SLC24A4: variants seen among roughly 807,000 people sequenced by gnomAD.
SLC24A4 encodes the protein solute carrier family 24 member 4.
In SLC24A4, 53 loss-of-function variants were observed where a neutral mutation model predicts 79.0. The observed-to-expected ratio is 0.67, with a 90% CI of 0.54 to 0.84. The LOEUF is 0.84. Ranked by LOEUF, SLC24A4 falls within the 40% of genes least tolerant of loss-of-function variation. The pLI is 0.00. For synonymous variants in SLC24A4, 323 were observed against 323.8 expected (o/e 1.00, Z 0.03); for missense variants, 731 against 822.0 (o/e 0.89, Z 1.35).
intron 2 of SLC24A4, among the ~76,000 whole-genome samples, chr14:92,382,540 G>C (rs1259771651): frequency 2.0e-5 from 3 of 152,186 alleles, no homozygotes; most frequent in Non-Finnish European, 4.4e-5. Flanking sequence ...ACCAGGTTAG[G>C]CTCTTTTGGT....
chr14:92,323,107 G>C (rs920505550), upstream of SLC24A4: 11 of 152,394 alleles, frequency 7.2e-5, no homozygotes, highest in African/African-American at 2.4e-4. This position sits in a 1 kb window ranked among gnomAD's most constrained non-coding sequence, Gnocchi z 4.9. Flanking sequence ...GTGAGAGGCG[G>C]GCAGGAGGGG....
At chr14:92,484,870 G>A in intron 13 of SLC24A4, 1 of 985,416 alleles carries the variant, frequency 1.0e-6, no homozygotes, top group East Asian at 1.1e-4. Context: ...AGATGATCAT[G>A]AGCGTTGCTG....
At chr14:92,475,658 G>A (rs752033878) in intron 12 of SLC24A4, among the ~76,000 whole-genome samples, 35 of 152,102 alleles carry the variant, frequency 2.3e-4, no homozygotes, top group Non-Finnish European at 3.8e-4. Context: ...CACTAGCAAT[G>A]GTGTCATTTA....
At chr14:92,343,653 T>TTTCCTTCCTTCCTTCCTCC (rs1886338755) in intron 2 of SLC24A4, among the ~76,000 whole-genome samples, 2 of 34,214 alleles carry the variant, frequency 5.8e-5, no homozygotes, top group African/African-American at 1.5e-4. Flanking sequence ...TCTTTCCTTC[T>TTTCCTTCCTTCCTTCCTCC]TTCCTTCCTT....
At chr14:92,355,069 A>C (rs1031320744) in intron 2 of SLC24A4, among the ~76,000 whole-genome samples, 2 of 152,184 alleles carry the variant, frequency 1.3e-5, no homozygotes, top group African/African-American at 4.8e-5. Flanking sequence ...GAAAGACTCT[A>C]TCTCAACAAA....
chr14:92,484,406 C>T, intron 13 of SLC24A4: 6 of 985,348 alleles, frequency 6.1e-6, no homozygotes, highest in Non-Finnish European at 6.0e-6. Flanking sequence ...CTGCCCCCAG[C>T]CTGTTCCCTT....
chr14:92,374,557 G>A (rs1020338314), intron 2 of SLC24A4, among the ~76,000 whole-genome samples: 12 of 152,182 alleles, frequency 7.9e-5, no homozygotes, highest in African/African-American at 2.2e-4. Context: ...CCTCCTCCAC[G>A]ATTTGCAGAG....
chr14:92,462,249 G>A (rs1893858934), intron 12 of SLC24A4: 1 of 152,202 alleles, frequency 6.6e-6, no homozygotes, highest in Non-Finnish European at 1.5e-5. Context: ...AGCCTGCAAT[G>A]CAATTTGGCT....
At chr14:92,377,629 G>C (rs1208957424) in intron 2 of SLC24A4, among the ~76,000 whole-genome samples, 1 of 152,144 alleles carries the variant, frequency 6.6e-6, no homozygotes, top group Non-Finnish European at 1.5e-5. Context: ...GAAGGTCTTG[G>C]GCCTTATCTT....
At chr14:92,458,014 G>A (rs1471311054) in intron 12 of SLC24A4, among the ~76,000 whole-genome samples, 3 of 152,180 alleles carry the variant, frequency 2.0e-5, no homozygotes, top group African/African-American at 7.2e-5. Context: ...TTAGGATCAC[G>A]GAGCTTCCCT....
At chr14:92,363,456 C>T (rs1887647322) in intron 2 of SLC24A4, among the ~76,000 whole-genome samples, 1 of 152,242 alleles carries the variant, frequency 6.6e-6, no homozygotes, top group South Asian at 2.1e-4. Context: ...GATTTCACAC[C>T]ATGTTAACAG....
In SLC24A4 at chr14:92,496,385, T is replaced by A. The variant is rs1895921364; in HGVS notation, c.*2757T>A. 6.6e-6 allele frequency: 1 copy of A among 152,264 alleles called. No individual in the cohort carries two copies. The highest frequency in any genetic ancestry group is 6.5e-5 in the Admixed American group (1 of 15,282). 9.4% of individuals were successfully genotyped at this position (152,264 alleles called of 1,614,324 possible). A position where few individuals can be genotyped will look rare whatever the true frequency, so the allele number is the denominator to read the frequency against. ...ATCACTACGCAGGATTACTTTATTT[T>A]ATTCCCAAAGCTCATTAGCATGGGA... On this transcript the variant is annotated 3_prime_UTR_variant, in exon 17 of 17. Coordinates refer to ENST00000532405, the MANE Select transcript of SLC24A4 (RefSeq NM_153646.4).
At chr14:92,341,498 C>T (rs149516000) in intron 2 of SLC24A4, among the ~76,000 whole-genome samples, 82 of 152,288 alleles carry the variant, frequency 5.4e-4, no homozygotes, top group African/African-American at 1.8e-3. Flanking sequence ...AAACAAAGAT[C>T]GGAGCAGCTA....
At chr14:92,443,134 CG>C (rs1434872126) in intron 6 of SLC24A4, among the ~76,000 whole-genome samples, 1 of 152,178 alleles carries the variant, frequency 6.6e-6, no homozygotes, top group Non-Finnish European at 1.5e-5. Flanking sequence ...TGCCAGGGTC[CG>C]GTGGAGAGCG....
At chr14:92,439,196 A>T in intron 3 of SLC24A4, 139 bp from the exon 4 acceptor site, 1 of 649,602 alleles carries the variant, frequency 1.5e-6, no homozygotes, top group Admixed American at 2.5e-5. Flanking sequence ...AACGAAATCT[A>T]TGGTGCTGGA....
chr14:92,429,572 A>G (rs904720416), intron 2 of SLC24A4, among the ~76,000 whole-genome samples: 1 of 152,236 alleles, frequency 6.6e-6, no homozygotes, highest in Non-Finnish European at 1.5e-5. Flanking sequence ...GAATTGACCT[A>G]CAAAATCCAA....
At chr14:92,358,138 G>T (rs572208036) in intron 2 of SLC24A4, among the ~76,000 whole-genome samples, 5 of 152,276 alleles carry the variant, frequency 3.3e-5, no homozygotes, top group African/African-American at 1.2e-4. Flanking sequence ...TCCTAAAATT[G>T]CTTGCTTCAG....
intron 2 of SLC24A4, among the ~76,000 whole-genome samples, chr14:92,366,926 G>A (rs185920923): frequency 6.6e-6 from 1 of 152,312 alleles, no homozygotes; most frequent in Admixed American, 6.5e-5. Flanking sequence ...GTAAGGGCGT[G>A]CCAGGACTAG....
intron 12 of SLC24A4, among the ~76,000 whole-genome samples, chr14:92,473,501 TGTTTCTGTCTTC>T (rs1894547391): frequency 6.6e-6 from 1 of 152,270 alleles, no homozygotes; most frequent in African/African-American, 2.4e-5. Flanking sequence ...TCCTCCCTGC[TGTTTCTGTCTTC>T]GTAACTCTAT....
Sources: gnomAD v4.1 joint callset for allele counts (sites outside exome capture counted in the v4.1 genomes callset) on GRCh38, gnomAD v4.1.1 for gene constraint, Gnocchi (gnomAD v3.1) non-coding constraint, MANE v1.5 for transcripts, NCBI Gene and HGNC (gene_info 2026-07-23, HGNC 2026-07-21) for gene names.